MYT1L: variants seen among roughly 807,000 people sequenced by gnomAD.
MYT1L encodes the protein myelin transcription factor 1-like protein.
In MYT1L, 12 loss-of-function variants were observed where a neutral mutation model predicts 126.7. The ratio of observed to expected loss-of-function variants is 0.09; its 90% CI spans 0.06 to 0.15. The LOEUF (loss-of-function observed/expected upper bound fraction) is 0.15. MYT1L is among the 10% of genes least tolerant of loss of function. MYT1L has a pLI of 1.00. For missense variants in MYT1L, 979 were observed against 1,585.2 expected (o/e 0.62, Z 6.49); for synonymous variants, 541 against 604.2 (o/e 0.90, Z 1.53).
intron 1 of MYT1L, among the ~76,000 whole-genome samples, chr2:2,284,995 T>A (rs750418970): frequency 6.6e-6 from 1 of 152,160 alleles, no homozygotes; most frequent in Non-Finnish European, 1.5e-5. Context: ...GGATTACAGG[T>A]GTGAGCCACT....
chr2:1,798,713 G>A (rs977247837), intron 23 of MYT1L, among the ~76,000 whole-genome samples: 3 of 152,206 alleles, frequency 2.0e-5, no homozygotes, highest in Non-Finnish European at 4.4e-5. Context: ...TGAGAGGCAC[G>A]GGAAAGTCAG....
At chr2:1,850,155 C>T (rs2043042810) in intron 19 of MYT1L, among the ~76,000 whole-genome samples, 1 of 142,014 alleles carries the variant, frequency 7.0e-6, no homozygotes, top group African/African-American at 2.7e-5. Flanking sequence ...CTTTCCTTCC[C>T]CTTCCCTTCC....
chr2:2,179,470 C>T (rs2091176618), intron 2 of MYT1L, among the ~76,000 whole-genome samples: 1 of 152,170 alleles, frequency 6.6e-6, no homozygotes, highest in South Asian at 2.1e-4. Flanking sequence ...GTTGTGGATG[C>T]CTCTGACCAA....
At chr2:1,973,989 AC>A (rs1360880681) in intron 8 of MYT1L, among the ~76,000 whole-genome samples, 1 of 152,182 alleles carries the variant, frequency 6.6e-6, no homozygotes, top group Non-Finnish European at 1.5e-5. Context: ...AAGGTTGGTG[AC>A]TTCCTAGTAG....
At chr2:1,893,139 T>C (rs1374985502) in intron 14 of MYT1L, among the ~76,000 whole-genome samples, 1 of 152,140 alleles carries the variant, frequency 6.6e-6, no homozygotes. Flanking sequence ...CCACACTCAC[T>C]AACAGCCAAA....
intron 2 of MYT1L, among the ~76,000 whole-genome samples, chr2:2,236,457 C>T (rs1461670559): frequency 1.4e-5 from 2 of 144,052 alleles, no homozygotes; most frequent in African/African-American, 2.6e-5. Flanking sequence ...TACATCCCAA[C>T]CCAACCCAGT....
intron 5 of MYT1L, among the ~76,000 whole-genome samples, chr2:1,995,731 C>A (rs2061783014): frequency 6.6e-6 from 1 of 152,124 alleles, no homozygotes; most frequent in South Asian, 2.1e-4. Flanking sequence ...TGCCGAAATC[C>A]CCGTCCCAGA....
intron 19 of MYT1L, chr2:1,842,272 C>T (rs911908871): frequency 1.2e-4 from 19 of 152,518 alleles, no homozygotes; most frequent in African/African-American, 4.3e-4. Flanking sequence ...CTTGGCCATC[C>T]TCCTCCCTGT....
At chr2:1,865,252 C>T (rs1463660653) in intron 18 of MYT1L, among the ~76,000 whole-genome samples, 4 of 152,100 alleles carry the variant, frequency 2.6e-5, no homozygotes, top group African/African-American at 2.4e-5. Flanking sequence ...AGGGGGCTGA[C>T]GGGGCTGAGG....
At chr2:2,073,003 T>C (rs1485267848) in intron 3 of MYT1L, among the ~76,000 whole-genome samples, 1 of 152,148 alleles carries the variant, frequency 6.6e-6, no homozygotes, top group African/African-American at 2.4e-5. Context: ...TGCTTTTGGT[T>C]TGTAGACAGT....
chr2:1,830,588 G>A (rs2040016343), intron 21 of MYT1L, among the ~76,000 whole-genome samples: 1 of 146,516 alleles, frequency 6.8e-6, no homozygotes, highest in Non-Finnish European at 1.6e-5. Flanking sequence ...TCGGCACCTG[G>A]AAGGGCTCAC....
intron 3 of MYT1L, among the ~76,000 whole-genome samples, chr2:2,162,021 C>T (rs1381256132): frequency 2.0e-5 from 3 of 152,140 alleles, no homozygotes; most frequent in African/African-American, 2.4e-5. Flanking sequence ...AGGATAGACT[C>T]GCTTAGCCAA....
chr2:2,264,916 GGAGT>G (rs1244378301), intron 2 of MYT1L, among the ~76,000 whole-genome samples: 2 of 152,182 alleles, frequency 1.3e-5, no homozygotes, highest in African/African-American at 2.4e-5. Context: ...GCCGAGAAAA[GGAGT>G]GAGTAAGTAA....
intron 2 of MYT1L, among the ~76,000 whole-genome samples, chr2:2,267,412 G>A (rs776207051): frequency 2.8e-4 from 43 of 152,172 alleles, no homozygotes; most frequent in Non-Finnish European, 4.9e-4. Flanking sequence ...CCACATGAAG[G>A]CGTCAAAGTG....
chr2:2,159,341 C>T (rs2087403082), intron 3 of MYT1L, among the ~76,000 whole-genome samples: 1 of 152,142 alleles, frequency 6.6e-6, no homozygotes, highest in African/African-American at 2.4e-5. Flanking sequence ...TAGGTGTCGG[C>T]ACTGAACACA....
chr2:1,901,890 C>T (rs1007708027), intron 14 of MYT1L, among the ~76,000 whole-genome samples: 4 of 152,198 alleles, frequency 2.6e-5, no homozygotes, highest in South Asian at 2.1e-4. Flanking sequence ...GAACTCTTGA[C>T]ACCAAGTGAT....
In MYT1L at chr2:1,848,530, AAAG is replaced by A. The variant is rs1388534368; in HGVS notation, c.2774+3108_2774+3110del. ...TTGAATTGTGGCATAACTGAGGGAA[AAAG>A]AAGGCCAGTGAATCATCGTCTAAGT... On this transcript the variant is annotated intron_variant, in intron 19 of 24. Transcript: ENST00000647738. The surrounding 1 kb of genome is among the most constrained non-coding windows in gnomAD (Gnocchi z 4.8). Among the ~76,000 whole-genome samples, 2 of 152,174 alleles carry A rather than the reference AAAG, an allele frequency of 1.3e-5. No individual in the cohort carries two copies. Among genetic ancestry groups the A allele is most frequent in the East Asian group, 3.8e-4 (2 of 5,196 alleles).
intron 1 of MYT1L, among the ~76,000 whole-genome samples, chr2:2,327,449 T>C (rs142687705): frequency 2.4e-4 from 36 of 152,296 alleles, no homozygotes; most frequent in African/African-American, 8.4e-4. Context: ...TTCTAAAGAA[T>C]ACTACACAAC....
intron 17 of MYT1L, 95 bp from the exon 18 acceptor site, chr2:1,886,702 G>T: frequency 3.8e-6 from 3 of 779,260 alleles, no homozygotes; most frequent in Non-Finnish European, 5.7e-6. Flanking sequence ...AGAGTTTAAT[G>T]CAGAAAAGCA....
Sources: gnomAD v4.1 joint callset for allele counts (sites outside exome capture counted in the v4.1 genomes callset) on GRCh38, gnomAD v4.1.1 for gene constraint, Gnocchi (gnomAD v3.1) non-coding constraint, MANE v1.5 for transcripts, NCBI Gene and HGNC (gene_info 2026-07-23, HGNC 2026-07-21) for gene names.